The following ALDH9A1 variants were observed in gnomAD, a reference collection of about 807,000 sequenced individuals.
The protein encoded by ALDH9A1 is 4-trimethylaminobutyraldehyde dehydrogenase.
In ALDH9A1, 42 loss-of-function variants were observed where a neutral mutation model predicts 56.6. The observed-to-expected ratio is 0.74, with a 90% CI of 0.58 to 0.96. The LOEUF (loss-of-function observed/expected upper bound fraction) is 0.96. Ranked by LOEUF, ALDH9A1 falls within the 40% of genes least tolerant of loss-of-function variation. The pLI, the probability that ALDH9A1 is intolerant of heterozygous loss-of-function variation, is 0.00. For synonymous variants in ALDH9A1, 242 were observed against 236.0 expected, an observed-to-expected ratio of 1.03 and a Z score of -0.23; for missense variants, 661 against 651.5, an observed-to-expected ratio of 1.01 and a Z score of -0.16.
At chr1:165,679,924 G>A (rs1450684542) in intron 5 of ALDH9A1, among the ~76,000 whole-genome samples, 3 of 152,042 alleles carry the variant, frequency 2.0e-5, no homozygotes, top group African/African-American at 7.2e-5. Context: ...GAAGCAGGAG[G>A]ACTGCCTGAG....
intron 6 of ALDH9A1, chr1:165,671,765 C>A: frequency 3.6e-6 from 1 of 277,544 alleles, no homozygotes; most frequent in Non-Finnish European, 7.3e-6. Flanking sequence ...AAAATAATTG[C>A]TTAACTAACA....
At chr1:165,671,595 A>C (rs1011005926) in intron 6 of ALDH9A1, 3 of 464,520 alleles carry the variant, frequency 6.5e-6, no homozygotes, top group Admixed American at 2.6e-5. Flanking sequence ...AGGAAGAGAA[A>C]GGATGAGGAT....
Position 165,682,090 on chromosome 1 carries a change from G to A in ALDH9A1, c.592+17C>T, listed in dbSNP as rs1449775478. The A allele has an allele frequency of 6.2e-7, 1 of 1,613,406 alleles. No individual in the cohort carries two copies. On this transcript the variant is annotated intron_variant, in intron 4 of 10. Transcript: ENST00000354775. ...ATGAACGAATGGCTCTCAAATGGAG[G>A]GATAATTCATTCTTACCACAGGCTA...
At chr1:165,682,491 T>C (rs1262523404) in intron 3 of ALDH9A1, among the ~76,000 whole-genome samples, 1 of 152,158 alleles carries the variant, frequency 6.6e-6, no homozygotes, top group Non-Finnish European at 1.5e-5. Flanking sequence ...TTTACAACTC[T>C]CTAAGAATTT....
chr1:165,696,512 T>C (rs1650088699), intron 1 of ALDH9A1, among the ~76,000 whole-genome samples: 1 of 152,228 alleles, frequency 6.6e-6, no homozygotes, highest in Admixed American at 6.5e-5. Flanking sequence ...ACTTGATAAA[T>C]ATAGTTAATA....
chr1:165,678,934 T>C (rs1177932196), intron 6 of ALDH9A1, among the ~76,000 whole-genome samples: 1 of 152,032 alleles, frequency 6.6e-6, no homozygotes, highest in African/African-American at 2.4e-5. Context: ...ACAAGACAAC[T>C]AAAGGCAATG....
chr1:165,695,485 GTCT>G (rs1650045718), intron 1 of ALDH9A1, 88 bp from the exon 2 acceptor site: 7 of 439,968 alleles, frequency 1.6e-5, no homozygotes, highest in Non-Finnish European at 2.3e-5. Flanking sequence ...CTTAGTAGTA[GTCT>G]TTTTTTTTTT....
intron 6 of ALDH9A1, among the ~76,000 whole-genome samples, chr1:165,671,044 C>T (rs1191999117): frequency 6.6e-6 from 1 of 152,236 alleles, no homozygotes; most frequent in Non-Finnish European, 1.5e-5. Context: ...GCACCCCAGC[C>T]TGGGCGACAG....
chr1:165,666,484 T>C (rs1649011084), intron 9 of ALDH9A1, among the ~76,000 whole-genome samples: 1 of 152,186 alleles, frequency 6.6e-6, no homozygotes, highest in Non-Finnish European at 1.5e-5. Flanking sequence ...ACTTTGTCTG[T>C]ACGAGGGTGG....
At chr1:165,695,493 TTTTTTTTTTTTTTTTTTC>T (rs1650048357) in intron 1 of ALDH9A1, 96 bp from the exon 2 acceptor site, 3 of 829,726 alleles carry the variant, frequency 3.6e-6, no homozygotes, top group Non-Finnish European at 4.6e-6. Context: ...TAGTCTTTTT[TTTTTTTTTTTTTTTTTTC>T]TTGAGATGGA....
intron 9 of ALDH9A1, among the ~76,000 whole-genome samples, chr1:165,666,981 T>C (rs554904052): frequency 3.3e-4 from 51 of 152,356 alleles, no homozygotes; most frequent in African/African-American, 1.2e-3. Context: ...TGAAGAATAC[T>C]GCCCACAATT....
intron 2 of ALDH9A1, among the ~76,000 whole-genome samples, chr1:165,687,974 A>G (rs1399741585): frequency 3.3e-5 from 5 of 150,810 alleles, no homozygotes; most frequent in African/African-American, 1.2e-4. Context: ...GGTGAGAGAG[A>G]GAGACTCCTC....
At chr1:165,698,152 C>CT in intron 1 of ALDH9A1, 1 of 1,242,360 alleles carries the variant, frequency 8.0e-7, no homozygotes, top group Non-Finnish European at 1.0e-6. Flanking sequence ...ACTCACGATC[C>CT]TACCACGCAA....
At chr1:165,671,489 C>G (rs916749648) in intron 6 of ALDH9A1, 6 of 446,368 alleles carry the variant, frequency 1.3e-5, no homozygotes, top group African/African-American at 1.0e-4. Flanking sequence ...GCAATAAAAT[C>G]TTAAGAATTC....
chr1:165,676,659 C>A, intron 6 of ALDH9A1: 1 of 375,494 alleles, frequency 2.7e-6, no homozygotes. Context: ...AGAAGGAAGC[C>A]AAAGAGAAAG....
intron 2 of ALDH9A1, among the ~76,000 whole-genome samples, chr1:165,689,691 T>A (rs1649823803): frequency 6.6e-6 from 1 of 152,152 alleles, no homozygotes; most frequent in South Asian, 2.1e-4. Flanking sequence ...CCCAGCACTT[T>A]GGAAGGCCAA....
intron 2 of ALDH9A1, among the ~76,000 whole-genome samples, chr1:165,690,565 T>C (rs1008738131): frequency 6.6e-6 from 1 of 152,080 alleles, no homozygotes; most frequent in South Asian, 2.1e-4. Context: ...TTAGGACTGG[T>C]TCACCTGGGA....
chr1:165,666,246 T>G (rs1268358729), intron 9 of ALDH9A1, among the ~76,000 whole-genome samples: 1 of 151,604 alleles, frequency 6.6e-6, no homozygotes, highest in Non-Finnish European at 1.5e-5. Flanking sequence ...GGGCTGGGGG[T>G]GGGGAGTGGG....
intron 1 of ALDH9A1, chr1:165,698,101 C>T (rs987142599): frequency 6.5e-5 from 43 of 661,740 alleles, no homozygotes; most frequent in Non-Finnish European, 8.9e-5. Context: ...CGACTTCCCC[C>T]ACCAGTACTT....
Sources: allele counts gnomAD v4.1 joint callset (sites outside exome capture counted in the v4.1 genomes callset), GRCh38; gene constraint gnomAD v4.1.1; transcripts MANE v1.5; gene names NCBI Gene and HGNC (gene_info 2026-07-23, HGNC 2026-07-21).